The following ACAD10 variants were observed in gnomAD, a reference collection of about 807,000 sequenced individuals.
ACAD10 encodes ACAD-10.
Under a neutral mutation model 116.8 loss-of-function variants are expected in ACAD10, and 112 were observed. That is an observed-to-expected ratio of 0.96 (90% CI 0.82 to 1.12). The LOEUF is 1.12. Ranked by LOEUF, ACAD10 falls within the 50% of genes most tolerant of loss-of-function variation. ACAD10 has a pLI of 0.00. For synonymous variants in ACAD10, 486 were observed against 510.6 expected, an observed-to-expected ratio of 0.95 and a Z score of 0.65; for missense variants, 1,259 against 1,350.2, an observed-to-expected ratio of 0.93 and a Z score of 1.06.
At position 111,729,811 on chromosome 12, in the gene ACAD10, T is replaced by C; in HGVS notation, c.1249T>C (p.Tyr417His). 1.2e-6 allele frequency: 2 copies of C among 1,613,532 alleles called. No individual in the cohort carries two copies. Among genetic ancestry groups the C allele is most frequent in the Non-Finnish European group, 1.7e-6 (2 of 1,179,558 alleles). The stretch of plus-strand genomic sequence containing the variant: ...TCTAATCCTATTTCCCGCAGGGGAC[T>C]ATATTCCACGCCAGGTACGAACCTG... ...GLEDYGKQGD[Y>H]IPRQVRTWVK... is the part of the protein sequence containing the mutation. The change falls in exon 10 of 21, where the codon TAT becomes CAT. Residue 417 changes from tyrosine (Y) to histidine (H), a missense_variant. By Grantham distance (83) the Tyr-to-His change is moderately conservative (BLOSUM62 2). Coordinates refer to ENST00000313698, the MANE Select transcript of ACAD10 (RefSeq NM_025247.6).
intron 3 of ACAD10, among the ~76,000 whole-genome samples, 180 bp from the exon 4 acceptor site, chr12:111,705,558 A>G: frequency 6.6e-6 from 1 of 152,196 alleles, no homozygotes; most frequent in East Asian, 1.9e-4. Context: ...TAAAAACCTT[A>G]TATGAGAGTT....
Position 111,747,044 on chromosome 12 carries a change from C to T in ACAD10, c.2257-5C>T. On this transcript the variant is annotated splice_polypyrimidine_tract_variant and splice_region_variant and intron_variant, in intron 14 of 20. Transcript: ENST00000313698. ...AGTCATGGTCACGCTCCTTTTCCTT[C>T]TCAGGTATGTAACTGCTCTGCGCCT... The T allele has an allele frequency of 6.3e-7, 1 of 1,577,518 alleles. No individual in the cohort carries two copies. Among genetic ancestry groups the T allele is most frequent in the South Asian group, 1.2e-5 (1 of 86,588 alleles).
intron 6 of ACAD10, 194 bp from the exon 7 acceptor site, chr12:111,715,627 T>C: frequency 1.6e-6 from 1 of 623,620 alleles, no homozygotes; most frequent in East Asian, 2.8e-5. Context: ...CATGTGATCC[T>C]GGACCTGAGT....
At chr12:111,700,997 G>A (rs1001707500) in intron 2 of ACAD10, among the ~76,000 whole-genome samples, 6 of 151,874 alleles carry the variant, frequency 4.0e-5, no homozygotes, top group Admixed American at 2.0e-4. Context: ...AGCCTCAAGC[G>A]ATCCTCCCAT....
At chr12:111,724,737 G>A (rs1889161552) in intron 8 of ACAD10, among the ~76,000 whole-genome samples, 1 of 151,636 alleles carries the variant, frequency 6.6e-6, no homozygotes, top group South Asian at 2.1e-4. Flanking sequence ...GAGCTGAGAT[G>A]GCAGCAGTAC....
chr12:111,740,385 C>G (rs575699565), intron 12 of ACAD10, among the ~76,000 whole-genome samples: 1 of 146,200 alleles, frequency 6.8e-6, no homozygotes, highest in African/African-American at 2.5e-5. Flanking sequence ...CACTTGAACC[C>G]GGGAGGCAGA....
chr12:111,707,151 G>A (rs141051543), intron 4 of ACAD10, among the ~76,000 whole-genome samples: 2,568 of 149,092 alleles, frequency 0.017, 80 homozygotes, highest in African/African-American at 0.058. Flanking sequence ...GTTCAGTGGC[G>A]CAATCTCAGC....
At chr12:111,693,718 T>C (rs1199962685) in intron 2 of ACAD10, among the ~76,000 whole-genome samples, 1 of 152,198 alleles carries the variant, frequency 6.6e-6, no homozygotes. Flanking sequence ...GTCTCTGGTC[T>C]TCTCTTTACC....
At chr12:111,715,035 A>G (rs1400076058) in intron 6 of ACAD10, among the ~76,000 whole-genome samples, 4 of 152,202 alleles carry the variant, frequency 2.6e-5, no homozygotes, top group Non-Finnish European at 5.9e-5. Context: ...TTCCCAGGTA[A>G]TAAAGGCTTC....
At chr12:111,707,789 G>T (rs190392962) in intron 4 of ACAD10, among the ~76,000 whole-genome samples, 1 of 152,094 alleles carries the variant, frequency 6.6e-6, no homozygotes. Flanking sequence ...TGTACCCTTC[G>T]TTGGGCCAGT....
intron 11 of ACAD10, among the ~76,000 whole-genome samples, chr12:111,735,085 G>A (rs1387142556): frequency 8.5e-5 from 13 of 152,074 alleles, no homozygotes; most frequent in Admixed American, 5.2e-4. Flanking sequence ...TTAGCTGGGC[G>A]TGGTGGTGGG....
In ACAD10 at chr12:111,749,238, G is replaced by A. The variant is rs1890002985; in HGVS notation, c.2710G>A (p.Gly904Ser). The A allele has an allele frequency of 1.2e-6, 2 of 1,614,016 alleles. No individual in the cohort carries two copies. The highest frequency in any genetic ancestry group is 1.1e-5 in the South Asian group (1 of 91,088). Reference protein sequence around the residue: ...VPKENMVLGPGRGFEIAQGRL... With the variant: ...VPKENMVLGPSRGFEIAQGRL... ...CAAAGAGAACATGGTCCTGGGCCCT[G>A]GCCGAGGCTTTGAGATCGCCCAGGG... The change falls in exon 18 of 21, where the codon GGC becomes AGC. Residue 904 changes from glycine to serine, a missense_variant. By Grantham distance (56) the Gly-to-Ser change is moderately conservative. Transcript: ENST00000313698.
chr12:111,703,390 T>C (rs190277892), intron 3 of ACAD10, among the ~76,000 whole-genome samples: 8 of 152,320 alleles, frequency 5.3e-5, no homozygotes, highest in African/African-American at 1.7e-4. Context: ...TTTTCTGTAC[T>C]GTGCACTGTT....
chr12:111,739,071 A>G (rs758335528), intron 12 of ACAD10, among the ~76,000 whole-genome samples: 7 of 152,080 alleles, frequency 4.6e-5, no homozygotes, highest in East Asian at 1.9e-4. Context: ...CAAATAATCA[A>G]TGAGGGAATG....
At chr12:111,753,750 C>T (rs745885872) in intron 18 of ACAD10, 22 bp from the exon 19 acceptor site, 14 of 1,613,636 alleles carry the variant, frequency 8.7e-6, no homozygotes, top group African/African-American at 4.0e-5. Flanking sequence ...TGTCCTCAGC[C>T]GCACATCTCC....
At chr12:111,723,539 C>A (rs1486889751) in intron 8 of ACAD10, among the ~76,000 whole-genome samples, 133 of 126,428 alleles carry the variant, frequency 1.1e-3, no homozygotes, top group Middle Eastern at 5.8e-3. Context: ...CCAGTAGGGG[C>A]GGCCAGGCAG....
chr12:111,755,977 C>A, intron 20 of ACAD10: 1 of 703,796 alleles, frequency 1.4e-6, no homozygotes, highest in Non-Finnish European at 2.3e-6. Flanking sequence ...AGTGACTTGT[C>A]CAGGTCACTG....
At chr12:111,732,617 G>A (rs1889421949) in intron 10 of ACAD10, among the ~76,000 whole-genome samples, 1 of 152,188 alleles carries the variant, frequency 6.6e-6, no homozygotes, top group Non-Finnish European at 1.5e-5. Flanking sequence ...CATGCTTGAT[G>A]TTTACTTTTT....
chr12:111,700,373 A>G (rs1245119109), intron 2 of ACAD10, among the ~76,000 whole-genome samples: 2 of 152,226 alleles, frequency 1.3e-5, no homozygotes, highest in South Asian at 2.1e-4. Context: ...ATTCTGCACA[A>G]ACAACCTTGT....
Sources: allele counts gnomAD v4.1 joint callset (sites outside exome capture counted in the v4.1 genomes callset), GRCh38; gene constraint gnomAD v4.1.1; transcripts MANE v1.5; gene names NCBI Gene and HGNC (gene_info 2026-07-23, HGNC 2026-07-21).